TMEM87A: variants seen among roughly 807,000 people sequenced by gnomAD.
TMEM87A encodes the protein Golgi-pH regulating cation channel.
TMEM87A carries 50 observed loss-of-function variants against 90.0 expected under a neutral mutation model. The ratio of observed to expected loss-of-function variants is 0.56; its 90% CI spans 0.44 to 0.70. The LOEUF (loss-of-function observed/expected upper bound fraction) is 0.70. TMEM87A is among the 30% of genes least tolerant of loss of function. The probability of loss-of-function intolerance (pLI) is 0.00; values close to 1 mark genes in which losing one functional copy is unlikely to be tolerated. For missense variants in TMEM87A, 577 were observed against 660.5 expected (o/e 0.87, Z 1.39); for synonymous variants, 226 against 226.7 (o/e 1.00, Z 0.03).
intron 10 of TMEM87A, among the ~76,000 whole-genome samples, chr15:42,235,734 A>G (rs942983645): frequency 1.7e-4 from 26 of 152,240 alleles, no homozygotes; most frequent in African/African-American, 6.0e-4. Context: ...TGATCACCCT[A>G]TGTACAACTG....
At chr15:42,266,452 G>A (rs958191412) in intron 3 of TMEM87A, among the ~76,000 whole-genome samples, 2 of 151,038 alleles carry the variant, frequency 1.3e-5, no homozygotes, top group Non-Finnish European at 2.9e-5. Context: ...GGAGGCAGAG[G>A]TTGTGGTGAG....
intron 6 of TMEM87A, among the ~76,000 whole-genome samples, chr15:42,249,540 T>C (rs1035493019): frequency 1.3e-5 from 2 of 152,356 alleles, no homozygotes; most frequent in South Asian, 4.1e-4. Flanking sequence ...TCGTTATTTA[T>C]CCAGCAGTCA....
chr15:42,221,761 A>T (rs553301586), intron 15 of TMEM87A, among the ~76,000 whole-genome samples: 57 of 152,160 alleles, frequency 3.7e-4, no homozygotes, highest in Non-Finnish European at 6.8e-4. Flanking sequence ...CTTTTAAAAA[A>T]TTTTTTTGAG....
At chr15:42,264,699 A>ATATATATATATATATTTTTT (rs10681614) in intron 3 of TMEM87A, among the ~76,000 whole-genome samples, 6 of 109,436 alleles carry the variant, frequency 5.5e-5, no homozygotes, top group African/African-American at 1.8e-4. Flanking sequence ...ATATATATAT[A>ATATATATATATATATTTTTT]TTTTTTTTTT....
chr15:42,273,441 T>G, upstream of TMEM87A: 1 of 1,609,788 alleles, frequency 6.2e-7, no homozygotes, highest in Non-Finnish European at 8.5e-7. Context: ...TTCACCCTCT[T>G]CCGGTTCGTC....
chr15:42,261,286 G>A lies in TMEM87A; in HGVS notation c.406-37C>T, dbSNP rs377389645. The A allele has an allele frequency of 2.4e-5, 38 of 1,569,368 alleles. No individual in the cohort carries two copies. In the African/African-American group the frequency reaches 4.4e-4, roughly 18 times the overall value. On this transcript the variant is annotated intron_variant, in intron 4 of 19. Transcript: ENST00000389834. ...ACACAAAACAAAACATTAAAGGTGT[G>A]TAAATACTAGAAGAAAAGTGTAGCT...
intron 19 of TMEM87A, among the ~76,000 whole-genome samples, chr15:42,214,243 C>G (rs143494750): frequency 1.1e-4 from 16 of 152,072 alleles, no homozygotes; most frequent in Non-Finnish European, 2.1e-4. Context: ...CTACCAGGTA[C>G]TTAAAGACAA....
chr15:42,244,425 C>A (rs1566933393), intron 6 of TMEM87A, among the ~76,000 whole-genome samples: 1 of 151,422 alleles, frequency 6.6e-6, no homozygotes, highest in Non-Finnish European at 1.5e-5. Context: ...ATGAGGAAAC[C>A]CCCAACTAAA....
intron 8 of TMEM87A, among the ~76,000 whole-genome samples, chr15:42,238,003 ATATG>A (rs869164474): frequency 4.1e-4 from 62 of 150,842 alleles, no homozygotes; most frequent in African/African-American, 1.3e-3. Flanking sequence ...GTATATATAT[ATATG>A]TGTGTGTGTG....
intron 14 of TMEM87A, 126 bp from the exon 15 acceptor site, chr15:42,227,035 C>A (rs1332411104): frequency 2.4e-6 from 2 of 848,580 alleles, no homozygotes; most frequent in Non-Finnish European, 3.7e-6. Context: ...GAGCCTGCTA[C>A]GTGCTCAGTA....
At chr15:42,231,961 A>C (rs2050693212) in intron 11 of TMEM87A, 2 of 1,080,114 alleles carry the variant, frequency 1.9e-6, no homozygotes, top group African/African-American at 3.3e-5. Context: ...CAGAGGGTTA[A>C]AGTTGCTAGA....
At chr15:42,271,003 C>G (rs903639477) in intron 2 of TMEM87A, among the ~76,000 whole-genome samples, 1 of 152,182 alleles carries the variant, frequency 6.6e-6, no homozygotes, top group Non-Finnish European at 1.5e-5. Context: ...TAAAATTTTG[C>G]ACTTCCGTGA....
chr15:42,234,900 C>G (rs1322432485), intron 10 of TMEM87A, among the ~76,000 whole-genome samples: 1 of 152,166 alleles, frequency 6.6e-6, no homozygotes, highest in Non-Finnish European at 1.5e-5. Flanking sequence ...TCACTGGTCT[C>G]TCCTCAATTT....
chr15:42,239,147 A>T (rs1386254923), intron 8 of TMEM87A, among the ~76,000 whole-genome samples: 2 of 152,096 alleles, frequency 1.3e-5, no homozygotes, highest in Non-Finnish European at 2.9e-5. Flanking sequence ...GGGTTCAAGC[A>T]ATTCTGCTTT....
Position 42,226,827 on chromosome 15 carries a change from C to A in TMEM87A, c.1382G>T (p.Arg461Leu). 1.2e-6 allele frequency: 2 copies of A among 1,613,976 alleles called. No individual in the cohort carries two copies. Among genetic ancestry groups the A allele is most frequent in the South Asian group, 1.1e-5 (1 of 91,070 alleles). ...MILFVIMVLWRPSANNQRFAF... is the reference protein window; with the variant it reads ...MILFVIMVLWLPSANNQRFAF... ...GAACCTCTGGTTGTTTGCAGATGGT[C>A]GCCAGAGAACCATGATGACAAAGAG... The change falls in exon 15 of 20, where the codon CGA (arginine) becomes CTA (leucine). Residue 461 changes from arginine to leucine, a missense_variant. Physicochemically the swap from Arg to Leu is moderately radical, Grantham distance 102. Coordinates refer to ENST00000389834, the MANE Select transcript of TMEM87A (RefSeq NM_015497.5).
chr15:42,215,215 A>G (rs1459459011), intron 19 of TMEM87A, among the ~76,000 whole-genome samples: 7 of 152,198 alleles, frequency 4.6e-5, no homozygotes, highest in Non-Finnish European at 1.0e-4. Context: ...AAAATTCAGT[A>G]TTGGCCAGGT....
upstream of TMEM87A, chr15:42,273,508 C>A (rs896888231): frequency 2.0e-6 from 3 of 1,520,128 alleles, no homozygotes; most frequent in South Asian, 2.5e-5. Context: ...GGAAACGTCG[C>A]GGAGCTTGTT....
At chr15:42,273,058 T>C (rs1436716077) in intron 1 of TMEM87A, 197 bp downstream of exon 1, 2 of 707,306 alleles carry the variant, frequency 2.8e-6, no homozygotes, top group Non-Finnish European at 4.9e-6. Flanking sequence ...GGCCCTTACA[T>C]TCCCGCTAGC....
Position 42,212,494 on chromosome 15 carries a change from C to A in TMEM87A, c.1627-745G>T, listed in dbSNP as rs564206774. Among the ~76,000 whole-genome samples the A allele has an allele frequency of 2.0e-5, 3 of 152,248 alleles. No individual in the cohort carries two copies. In the South Asian group the frequency reaches 6.2e-4, roughly 32 times the overall value. Reference sequence around the variant, plus strand: ...TCTCTGTTCTCCACTCCATCCAAGCCTGGTGCCCAGCTGCCAACCTGAGAA... The same window carrying A: ...TCTCTGTTCTCCACTCCATCCAAGCATGGTGCCCAGCTGCCAACCTGAGAA... On this transcript the variant is annotated intron_variant, in intron 19 of 19. Transcript: ENST00000389834.
Sources: gnomAD v4.1 joint callset for allele counts (sites outside exome capture counted in the v4.1 genomes callset) on GRCh38, gnomAD v4.1.1 for gene constraint, MANE v1.5 for transcripts, NCBI Gene and HGNC (gene_info 2026-07-23, HGNC 2026-07-21) for gene names.